The following PLA2G7 variants were observed in gnomAD, a reference collection of about 807,000 sequenced individuals.
PLA2G7 encodes platelet-activating factor acetylhydrolase.
A neutral mutation model predicts 49.6 loss-of-function variants in PLA2G7; 63 were observed. That is an observed-to-expected ratio of 1.27 (90% CI 1.04 to 1.57). The LOEUF (loss-of-function observed/expected upper bound fraction) is 1.57, where lower values mean the gene tolerates loss of function less well. Among genes scored for constraint, PLA2G7 ranks in the 40% most tolerant of loss-of-function variants. PLA2G7 has a pLI of 0.00. For missense variants in PLA2G7, 596 were observed against 521.2 expected, an observed-to-expected ratio of 1.14 and a Z score of -1.40; for synonymous variants, 193 against 169.9, an observed-to-expected ratio of 1.14 and a Z score of -1.06.
intron 1 of PLA2G7, among the ~76,000 whole-genome samples, chr6:46,724,053 G>A (rs939207500): frequency 6.6e-6 from 1 of 152,050 alleles, no homozygotes; most frequent in Non-Finnish European, 1.5e-5. Flanking sequence ...TCTTTGCTCT[G>A]ACACCCAAAT....
At chr6:46,711,822 T>C (rs1419296439) in intron 6 of PLA2G7, among the ~76,000 whole-genome samples, 1 of 152,166 alleles carries the variant, frequency 6.6e-6, no homozygotes, top group Non-Finnish European at 1.5e-5. Flanking sequence ...AAGTTGCAGG[T>C]AAACTCAATC....
intron 1 of PLA2G7, among the ~76,000 whole-genome samples, chr6:46,726,669 G>A (rs1362950246): frequency 1.3e-5 from 2 of 150,350 alleles, no homozygotes; most frequent in Non-Finnish European, 3.0e-5. Flanking sequence ...TTTTGGAGAT[G>A]GAGTCTCACT....
chr6:46,732,163 C>T (rs901637515), intron 1 of PLA2G7, among the ~76,000 whole-genome samples: 5 of 152,192 alleles, frequency 3.3e-5, no homozygotes, highest in Non-Finnish European at 5.9e-5. Context: ...TCTCCCTCAC[C>T]TAACTCCAGC....
chr6:46,722,751 T>A (rs370288269), intron 2 of PLA2G7, 32 bp downstream of exon 2: 1 of 1,314,866 alleles, frequency 7.6e-7, no homozygotes, highest in Non-Finnish European at 1.1e-6. Context: ...ACAGATCAGT[T>A]GCTCAAGACC....
At chr6:46,706,932 G>C (rs941012715) in intron 10 of PLA2G7, among the ~76,000 whole-genome samples, 2 of 152,116 alleles carry the variant, frequency 1.3e-5, no homozygotes, top group African/African-American at 2.4e-5. Context: ...TGTTGGAAGA[G>C]ACCCCTCTAT....
intron 4 of PLA2G7, 38 bp from the exon 5 acceptor site, chr6:46,714,591 T>A: frequency 8.5e-7 from 1 of 1,174,470 alleles, no homozygotes; most frequent in Non-Finnish European, 1.3e-6. Context: ...AGGTTTTCTC[T>A]GAGTGTTGCT....
At chr6:46,733,085 G>T (rs536494003) in intron 1 of PLA2G7, among the ~76,000 whole-genome samples, 1 of 152,246 alleles carries the variant, frequency 6.6e-6, no homozygotes, top group South Asian at 2.1e-4. Context: ...AGATAAAGGG[G>T]ACTCCTAAAC....
chr6:46,708,693 A>G (rs140595550), intron 9 of PLA2G7, among the ~76,000 whole-genome samples: 71 of 152,294 alleles, frequency 4.7e-4, no homozygotes, highest in African/African-American at 1.6e-3. Context: ...AGTTTATCCT[A>G]TGTTTCCTGA....
chr6:46,712,483 G>A, intron 5 of PLA2G7, 146 bp from the exon 6 acceptor site: 1 of 663,788 alleles, frequency 1.5e-6, no homozygotes, highest in Non-Finnish European at 2.8e-6. Context: ...TTAAAGGAGG[G>A]TGATTTTGTT....
At chr6:46,708,912 T>A (rs1484393134) in intron 9 of PLA2G7, among the ~76,000 whole-genome samples, 2 of 152,088 alleles carry the variant, frequency 1.3e-5, no homozygotes, top group Non-Finnish European at 2.9e-5. Context: ...CAAATAATTG[T>A]AATTTTAGAT....
chr6:46,705,173 G>T lies in PLA2G7; in HGVS notation c.1169C>A (p.Ala390Glu). 1 of 1,608,300 alleles carries T rather than the reference G, an allele frequency of 6.2e-7. No individual in the cohort carries two copies. The highest frequency in any genetic ancestry group is 8.5e-7 in the Non-Finnish European group (1 of 1,174,990). ...AIDLSNKASL[A>E]FLQKHLGLHK... Reference sequence around the variant, plus strand: ...CTTACCTAAATGCTTTTGTAAGAATGCTAATGAAGCTTTGTTGCTAAGATC... The same window carrying T: ...CTTACCTAAATGCTTTTGTAAGAATTCTAATGAAGCTTTGTTGCTAAGATC... The change falls in exon 11 of 12, where the codon GCA becomes GAA. Residue 390 changes from alanine to glutamate, a missense_variant. Transcript: ENST00000274793.
chr6:46,721,028 A>C (rs748407718), intron 2 of PLA2G7, among the ~76,000 whole-genome samples: 3 of 152,076 alleles, frequency 2.0e-5, no homozygotes, highest in Non-Finnish European at 2.9e-5. Flanking sequence ...ACTTTAAACC[A>C]ATATATATGC....
intron 10 of PLA2G7, among the ~76,000 whole-genome samples, chr6:46,706,534 G>A (rs908210582): frequency 6.6e-6 from 1 of 152,210 alleles, no homozygotes; most frequent in African/African-American, 2.4e-5. Context: ...CAGATGCAGA[G>A]AGCAAGGTTG....
At chr6:46,705,913 T>C (rs948472676) in intron 10 of PLA2G7, among the ~76,000 whole-genome samples, 5 of 152,182 alleles carry the variant, frequency 3.3e-5, no homozygotes, top group Non-Finnish European at 5.9e-5. Context: ...CTTCTTGCAC[T>C]TTTTTTCTTT....
intron 8 of PLA2G7, 36 bp from the exon 9 acceptor site, chr6:46,709,454 T>A: frequency 1.8e-6 from 2 of 1,123,960 alleles, no homozygotes; most frequent in African/African-American, 1.5e-5. Flanking sequence ...TTATAGCTAT[T>A]TCGTGGTGTT....
intron 3 of PLA2G7, 29 bp downstream of exon 3, chr6:46,716,946 A>G: frequency 6.2e-7 from 1 of 1,605,884 alleles, no homozygotes; most frequent in Non-Finnish European, 8.5e-7. Flanking sequence ...TTAGAGTATC[A>G]GGATAAGTTG....
At chr6:46,722,337 A>G (rs558925530) in intron 2 of PLA2G7, among the ~76,000 whole-genome samples, 22 of 152,276 alleles carry the variant, frequency 1.4e-4, no homozygotes, top group African/African-American at 4.8e-4. Flanking sequence ...ATGACTTTCC[A>G]CTATTAACCA....
In PLA2G7 at chr6:46,705,272, A is replaced by C; in HGVS notation, c.1070T>G (p.Phe357Cys). ...RGSVHQNFAD[F>C]TFATGKIIGH... is the part of the protein sequence containing the mutation. Reference sequence around the variant, plus strand: ...AATTATTTTGCCAGTTGCAAAAGTGAAGTCAGCAAAATTCTGGTGGACTGA... The same window carrying C: ...AATTATTTTGCCAGTTGCAAAAGTGCAGTCAGCAAAATTCTGGTGGACTGA... Residue 357 changes from phenylalanine (F) to cysteine (C), a missense_variant, in exon 11 of 12, where the codon TTC becomes TGC. By Grantham distance (205) the Phe-to-Cys change is radical. Coordinates refer to ENST00000274793, the MANE Select transcript of PLA2G7 (RefSeq NM_005084.4). 1 of 1,612,302 alleles carries C rather than the reference A, an allele frequency of 6.2e-7. No homozygotes were observed. The highest frequency in any genetic ancestry group is 2.2e-5 in the East Asian group (1 of 44,826).
In PLA2G7 at chr6:46,705,266, A is replaced by G; in HGVS notation, c.1076T>C (p.Phe359Ser). 6.2e-7 allele frequency: 1 copy of G among 1,612,600 alleles called. No homozygotes were observed. The highest frequency in any genetic ancestry group is 8.5e-7 in the Non-Finnish European group (1 of 1,178,836). ...SVHQNFADFTFATGKIIGHML... is the reference protein window; with the variant it reads ...SVHQNFADFTSATGKIIGHML... The stretch of plus-strand genomic sequence containing the variant: ...GTGTCCAATTATTTTGCCAGTTGCA[A>G]AAGTGAAGTCAGCAAAATTCTGGTG... The change falls in exon 11 of 12, where the codon TTT becomes TCT. Residue 359 changes from phenylalanine (F) to serine (S), a missense_variant. Coordinates refer to ENST00000274793, the MANE Select transcript of PLA2G7 (RefSeq NM_005084.4).
Sources: allele counts gnomAD v4.1 joint callset (sites outside exome capture counted in the v4.1 genomes callset), GRCh38; gene constraint gnomAD v4.1.1; transcripts MANE v1.5; gene names NCBI Gene and HGNC (gene_info 2026-07-23, HGNC 2026-07-21).